Variants in FREM2 observed in about 807,000 individuals in gnomAD.
FREM2 encodes FRAS1 related extracellular matrix 2, also known as FRAS1-related extracellular matrix protein 2.
Under a neutral mutation model 219.9 loss-of-function variants are expected in FREM2, and 119 were observed. That is an observed-to-expected ratio of 0.54 (90% CI 0.47 to 0.63). The LOEUF is 0.63. Ranked by LOEUF, FREM2 falls within the 30% of genes least tolerant of loss-of-function variation. The pLI, the probability that FREM2 is intolerant of heterozygous loss-of-function variation, is 0.00. For missense variants in FREM2, 4,030 were observed against 3,993.6 expected, an observed-to-expected ratio of 1.01 and a Z score of -0.25; for synonymous variants, 1,562 against 1,522.8, an observed-to-expected ratio of 1.03 and a Z score of -0.60.
intron 2 of FREM2, among the ~76,000 whole-genome samples, chr13:38,744,277 C>T (rs535795620): frequency 3.2e-3 from 421 of 130,248 alleles, no homozygotes; most frequent in African/African-American, 0.012. Context: ...TTGGTGGGCT[C>T]ATAGTTCTCA....
At chr13:38,764,906 T>C (rs1411396107) in intron 3 of FREM2, among the ~76,000 whole-genome samples, 14 of 152,108 alleles carry the variant, frequency 9.2e-5, no homozygotes, top group Admixed American at 9.2e-4. Context: ...CCAATTCAAG[T>C]TCATATTTGT....
chr13:38,852,973 T>C (rs1405415182), intron 11 of FREM2, among the ~76,000 whole-genome samples: 1 of 151,988 alleles, frequency 6.6e-6, no homozygotes, highest in East Asian at 1.9e-4. Context: ...CCCAAAGTGC[T>C]TGGATTAAAG....
At chr13:38,826,186 A>T (rs1308588138) in intron 6 of FREM2, among the ~76,000 whole-genome samples, 1 of 152,146 alleles carries the variant, frequency 6.6e-6, no homozygotes, top group African/African-American at 2.4e-5. Context: ...CTAGTATCAT[A>T]TCAACAGGAA....
chr13:38,698,842 G>T (rs893605925), intron 2 of FREM2, among the ~76,000 whole-genome samples: 1 of 152,112 alleles, frequency 6.6e-6, no homozygotes, highest in Non-Finnish European at 1.5e-5. Flanking sequence ...GTCAATTGTT[G>T]AGTGTGTGCC....
intron 6 of FREM2, among the ~76,000 whole-genome samples, chr13:38,800,191 G>C (rs543618026): frequency 2.0e-5 from 3 of 152,054 alleles, no homozygotes; most frequent in Admixed American, 6.5e-5. Flanking sequence ...GGTGAAAGTC[G>C]TCTTTTCACT....
At chr13:38,764,520 T>C in intron 3 of FREM2, 70 bp downstream of exon 3, 1 of 931,928 alleles carries the variant, frequency 1.1e-6, no homozygotes, top group South Asian at 1.6e-5. Flanking sequence ...TCTACAGTGA[T>C]TAAAGTATCA....
chr13:38,815,360 A>C (rs1197927376), intron 6 of FREM2, among the ~76,000 whole-genome samples: 1 of 152,216 alleles, frequency 6.6e-6, no homozygotes, highest in Admixed American at 6.5e-5. Context: ...GGCAAGAAAC[A>C]AATCTCAGAA....
chr13:38,877,724 CAAAT>C (rs905574140), intron 21 of FREM2, among the ~76,000 whole-genome samples: 1 of 152,144 alleles, frequency 6.6e-6, no homozygotes, highest in African/African-American at 2.4e-5. Context: ...CTTTCAGAAA[CAAAT>C]AACGTTAATT....
intron 4 of FREM2, among the ~76,000 whole-genome samples, chr13:38,779,898 GCCCACACTCCT>G (rs1816652821): frequency 6.6e-6 from 1 of 152,140 alleles, no homozygotes; most frequent in Non-Finnish European, 1.5e-5. Flanking sequence ...GGCCTCCGGG[GCCCACACTCCT>G]CTGGTTGTCT....
intron 4 of FREM2, among the ~76,000 whole-genome samples, chr13:38,782,282 T>A (rs1052179725): frequency 1.3e-5 from 2 of 152,210 alleles, no homozygotes; most frequent in Admixed American, 6.5e-5. Flanking sequence ...GTTTACAATG[T>A]CAAACCATTG....
chr13:38,817,350 G>A (rs1204585390), intron 6 of FREM2, among the ~76,000 whole-genome samples: 2 of 151,842 alleles, frequency 1.3e-5, no homozygotes, highest in African/African-American at 2.4e-5. Context: ...ACATGGTGCT[G>A]GCATGAAAAA....
intron 18 of FREM2, among the ~76,000 whole-genome samples, chr13:38,875,443 C>A (rs1296916799): frequency 6.6e-6 from 1 of 152,114 alleles, no homozygotes; most frequent in Non-Finnish European, 1.5e-5. Flanking sequence ...CCAAAAAAAT[C>A]ATTTTGCTTT....
chr13:38,811,871 G>A (rs991151692), intron 6 of FREM2, among the ~76,000 whole-genome samples: 1 of 152,110 alleles, frequency 6.6e-6, no homozygotes, highest in Admixed American at 6.6e-5. Context: ...TAGAAGATCT[G>A]TCCAATGCTG....
chr13:38,750,835 G>T (rs1872720796), intron 2 of FREM2, among the ~76,000 whole-genome samples: 1 of 152,044 alleles, frequency 6.6e-6, no homozygotes, highest in Admixed American at 6.6e-5. Flanking sequence ...TGGTATTACA[G>T]GCACCCACCA....
chr13:38,872,639 C>T, intron 16 of FREM2, 103 bp from the exon 17 acceptor site: 1 of 927,472 alleles, frequency 1.1e-6, no homozygotes. Flanking sequence ...TCAATGATTA[C>T]TCAAAATCTT....
intron 2 of FREM2, among the ~76,000 whole-genome samples, chr13:38,753,851 T>C (rs1872875065): frequency 6.6e-6 from 1 of 152,208 alleles, no homozygotes; most frequent in Admixed American, 6.5e-5. Context: ...TAAATCAGGT[T>C]TGATGAAGGA....
Position 38,692,262 on chromosome 13 carries a change from A to G in FREM2, c.4918A>G (p.Arg1640Gly). Residue 1640 changes from arginine (R) to glycine (G), a missense_variant, in exon 1 of 24, where the codon AGA (arginine) becomes GGA (glycine). Physicochemically the swap from Arg to Gly is moderately radical, Grantham distance 125. This residue lies in a region of FREM2 where 3,102 missense variants were observed against 2,950.7 expected (regional missense o/e 1.05). Coordinates refer to ENST00000280481, the MANE Select transcript of FREM2 (RefSeq NM_207361.6). Reference sequence around the variant, plus strand: ...TCCTGATACGGTGTTTGAAACAAGGAGACCCCAAGTGATGAAGATCCAGGT... The same window carrying G: ...TCCTGATACGGTGTTTGAAACAAGGGGACCCCAAGTGATGAAGATCCAGGT... Reference protein sequence around the residue: ...VFPDTVFETRRPQVMKIQVLA... With the variant: ...VFPDTVFETRGPQVMKIQVLA... The G allele has an allele frequency of 1.2e-6, 2 of 1,614,084 alleles. No individual in the cohort carries two copies. Among genetic ancestry groups the G allele is most frequent in the Non-Finnish European group, 1.7e-6 (2 of 1,179,998 alleles).
At chr13:38,701,545 A>G (rs1870342357) in intron 2 of FREM2, among the ~76,000 whole-genome samples, 2 of 152,046 alleles carry the variant, frequency 1.3e-5, no homozygotes, top group Admixed American at 1.3e-4. Context: ...TCCTCTTTGT[A>G]GTCAAACATT....
At position 38,691,316 on chromosome 13, in the gene FREM2, C is replaced by G; in HGVS notation, c.3972C>G (p.Asn1324Lys). The change falls in exon 1 of 24, where the codon AAC becomes AAG. Residue 1324 changes from asparagine to lysine, a missense_variant. Coordinates refer to ENST00000280481, the MANE Select transcript of FREM2 (RefSeq NM_207361.6). ...IEIGDTKIIN[N>K]KILMATDLDS... is the part of the protein sequence containing the mutation. ...TTGGGGATACCAAGATTATCAACAACAAAATATTAATGGCAACAGATTTAG... is the reference window on the plus strand; with the variant it reads ...TTGGGGATACCAAGATTATCAACAAGAAAATATTAATGGCAACAGATTTAG... 1.2e-6 allele frequency: 2 copies of G among 1,613,908 alleles called. No homozygotes were observed. Among genetic ancestry groups the G allele is most frequent in the East Asian group, 4.5e-5 (2 of 44,874 alleles).
Sources: allele counts gnomAD v4.1 joint callset (sites outside exome capture counted in the v4.1 genomes callset), GRCh38; gene constraint gnomAD v4.1.1; regional missense constraint gnomAD v4.1.1; transcripts MANE v1.5; gene names NCBI Gene and HGNC (gene_info 2026-07-23, HGNC 2026-07-21).